The following SPI1 variants were observed in gnomAD, a reference collection of about 807,000 sequenced individuals.
The protein encoded by SPI1 is Spi-1 proto-oncogene.
A neutral mutation model predicts 30.7 loss-of-function variants in SPI1; 3 were observed. The observed-to-expected ratio is 0.10, with a 90% confidence interval of 0.04 to 0.25. The LOEUF (loss-of-function observed/expected upper bound fraction) is 0.25. SPI1 is among the 10% of genes least tolerant of loss of function. The probability of loss-of-function intolerance (pLI) is 1.00; values close to 1 mark genes in which losing one functional copy is unlikely to be tolerated. For missense variants in SPI1, 261 were observed against 371.5 expected (o/e 0.70, Z 2.45); for synonymous variants, 169 against 157.1 (o/e 1.08, Z -0.56).
intron 2 of SPI1, among the ~76,000 whole-genome samples, chr11:47,366,053 C>T (rs888789414): frequency 6.6e-6 from 1 of 152,158 alleles, no homozygotes; most frequent in Non-Finnish European, 1.5e-5. Flanking sequence ...TTACCCATCA[C>T]CTGTCATTCT....
At chr11:47,371,616 A>G (rs191330719) in intron 2 of SPI1, among the ~76,000 whole-genome samples, 2,413 of 150,306 alleles carry the variant, frequency 0.016, 34 homozygotes, top group Non-Finnish European at 0.022. Context: ...GCAGTGAGCC[A>G]AGATCACACC....
chr11:47,367,024 A>C (rs117176805), intron 2 of SPI1, among the ~76,000 whole-genome samples: 1 of 152,192 alleles, frequency 6.6e-6, no homozygotes, highest in African/African-American at 2.4e-5. Flanking sequence ...TATAAAAGAT[A>C]CTTAGTATAT....
At position 47,374,062 on chromosome 11, in the gene SPI1, A is replaced by G. The variant is rs1315314466; in HGVS notation, c.142+1571T>C. Reference sequence around the variant, plus strand: ...GCGTCCTTGTTGGAGGAGGCCTGACAGCACTGTCTGTGGTGACCCGAGCCA... The same window carrying G: ...GCGTCCTTGTTGGAGGAGGCCTGACGGCACTGTCTGTGGTGACCCGAGCCA... On this transcript the variant is annotated intron_variant, in intron 2 of 4. Coordinates refer to ENST00000378538, the MANE Select transcript of SPI1 (RefSeq NM_003120.3). The surrounding 1 kb of genome is among the most constrained non-coding windows in gnomAD (Gnocchi z 4.5). Among the ~76,000 whole-genome samples the G allele has an allele frequency of 1.3e-5, 2 of 152,196 alleles. No homozygotes were observed. Among genetic ancestry groups the G allele is most frequent in the Non-Finnish European group, 2.9e-5 (2 of 68,030 alleles).
chr11:47,357,234 C>T (rs924266911), intron 4 of SPI1, among the ~76,000 whole-genome samples: 3 of 151,402 alleles, frequency 2.0e-5, no homozygotes, highest in East Asian at 1.9e-4. Flanking sequence ...CACACATATG[C>T]TCACACATCA....
At chr11:47,378,168 G>A (rs1427814925) in intron 1 of SPI1, 141 bp downstream of exon 1, 1 of 919,332 alleles carries the variant, frequency 1.1e-6, no homozygotes, top group Non-Finnish European at 1.7e-6. Flanking sequence ...TGGGTCTCAG[G>A]CCAGGAGTTC....
At chr11:47,373,284 G>A (rs546100469) in intron 2 of SPI1, among the ~76,000 whole-genome samples, 28 of 152,098 alleles carry the variant, frequency 1.8e-4, no homozygotes, top group African/African-American at 4.3e-4. Context: ...TCCGGGAGGC[G>A]GAGGTTGCAG....
chr11:47,357,274 C>G (rs2142879962), intron 4 of SPI1, among the ~76,000 whole-genome samples: 1 of 78,724 alleles, frequency 1.3e-5, no homozygotes. Flanking sequence ...ATGCTCACAC[C>G]TCACAGCTGC....
At chr11:47,369,184 A>G (rs373912421) in intron 2 of SPI1, among the ~76,000 whole-genome samples, 20 of 152,302 alleles carry the variant, frequency 1.3e-4, no homozygotes, top group Admixed American at 9.8e-4. Flanking sequence ...CCCAGGAGGC[A>G]GAGGTTGCAG....
In SPI1 at chr11:47,355,494, G is replaced by A. The variant is rs1235391592; in HGVS notation, c.546C>T (p.Ser182=). ...ACCAGATGCTGTCCTTCATGTCGCCGCTGCGGAGCAGGTCCAACAGGAACT... is the reference window on the plus strand; with the variant it reads ...ACCAGATGCTGTCCTTCATGTCGCCACTGCGGAGCAGGTCCAACAGGAACT... ...LYQFLLDLLR[S]GDMKDSIWWV... Residue 182 remains serine (S), a synonymous_variant, in exon 5 of 5, where the codon AGC becomes AGT. Coordinates refer to ENST00000378538, the MANE Select transcript of SPI1 (RefSeq NM_003120.3). The A allele has an allele frequency of 1.9e-6, 3 of 1,611,316 alleles. No individual in the cohort carries two copies. The highest frequency in any genetic ancestry group is 2.2e-5 in the East Asian group (1 of 44,632).
At chr11:47,361,354 G>A (rs141072107) in intron 2 of SPI1, among the ~76,000 whole-genome samples, 1 of 152,140 alleles carries the variant, frequency 6.6e-6, no homozygotes, top group South Asian at 2.1e-4. Context: ...TGGCACCTGT[G>A]TTCCCGTGAG....
At chr11:47,356,031 CATGCACACACA>C (rs775609636) in intron 4 of SPI1, among the ~76,000 whole-genome samples, 28 of 151,684 alleles carry the variant, frequency 1.8e-4, no homozygotes, top group Non-Finnish European at 3.8e-4. Flanking sequence ...CTGTCACACA[CATGCACACACA>C]ATGCACGTGC....
rs1157900038 is a variant in SPI1, at chr11:47,374,020, A to G, written c.142+1613T>C. ...CCCAAGCCCAGTGAACTGAAGAGGG[A>G]TTGGGCCAGGGAGAATGCGTCCTTG... is the stretch of plus-strand genomic sequence containing the variant. On this transcript the variant is annotated intron_variant, in intron 2 of 4. Transcript: ENST00000378538. The surrounding 1 kb of genome is among the most constrained non-coding windows in gnomAD (Gnocchi z 4.5). Among the ~76,000 whole-genome samples, 1 of 152,208 alleles carries G rather than the reference A, an allele frequency of 6.6e-6. No individual in the cohort carries two copies. Among genetic ancestry groups the G allele is most frequent in the Non-Finnish European group, 1.5e-5 (1 of 68,042 alleles).
In SPI1 at chr11:47,357,181, ACT is replaced by A. The variant is rs531761369; in HGVS notation, c.494-1637_494-1636del. The stretch of plus-strand genomic sequence containing the variant: ...ACACACATGCTCACATCTCACACCC[ACT>A]CACACACACCTGCCCACACATATCT... On this transcript the variant is annotated intron_variant, in intron 4 of 4. Transcript: ENST00000378538. Among the ~76,000 whole-genome samples the A allele has an allele frequency of 3.5e-3, 520 of 148,416 alleles. 4 individuals are homozygous for A. Among genetic ancestry groups the A allele is most frequent in the African/African-American group, 0.012 (487 of 39,996 alleles).
chr11:47,364,329 C>T (rs1354024668), intron 2 of SPI1, among the ~76,000 whole-genome samples: 1 of 152,100 alleles, frequency 6.6e-6, no homozygotes, highest in Non-Finnish European at 1.5e-5. Flanking sequence ...GGATTACAGG[C>T]GTCTGGCCTT....
chr11:47,360,592 C>G (rs529444629), intron 2 of SPI1, among the ~76,000 whole-genome samples: 1 of 152,012 alleles, frequency 6.6e-6, no homozygotes, highest in East Asian at 1.9e-4. Flanking sequence ...TTTTGGGAGG[C>G]GGAGGCGGGC....
chr11:47,366,230 G>A (rs1186707990), intron 2 of SPI1, among the ~76,000 whole-genome samples: 2 of 151,944 alleles, frequency 1.3e-5, no homozygotes, highest in Non-Finnish European at 2.9e-5. Flanking sequence ...TCTTAATCTG[G>A]GGCCAAAGTC....
At chr11:47,377,411 A>T (rs947164974) in intron 1 of SPI1, among the ~76,000 whole-genome samples, 1 of 152,036 alleles carries the variant, frequency 6.6e-6, no homozygotes, top group Non-Finnish European at 1.5e-5. Flanking sequence ...GGGAAAAGGG[A>T]GAAGGGTCCT....
At chr11:47,356,089 G>T (rs926415301) in intron 4 of SPI1, among the ~76,000 whole-genome samples, 1 of 147,642 alleles carries the variant, frequency 6.8e-6, no homozygotes, top group African/African-American at 2.5e-5. Flanking sequence ...ACACATGCTT[G>T]TGCAATGCAC....
intron 4 of SPI1, among the ~76,000 whole-genome samples, chr11:47,356,176 TCACA>T (rs562873948): frequency 4.4e-4 from 65 of 148,664 alleles, no homozygotes; most frequent in African/African-American, 1.4e-3. Flanking sequence ...TGTCACTTTC[TCACA>T]CACCCACACA....
Sources: gnomAD v4.1 joint callset for allele counts (sites outside exome capture counted in the v4.1 genomes callset) on GRCh38, gnomAD v4.1.1 for gene constraint, Gnocchi (gnomAD v3.1) non-coding constraint, MANE v1.5 for transcripts, NCBI Gene and HGNC (gene_info 2026-07-23, HGNC 2026-07-21) for gene names.